WDSUB1: variants seen among roughly 807,000 people sequenced by gnomAD.
WDSUB1 encodes the protein WD repeat, sterile alpha motif and U-box domain containing 1.
Under a neutral mutation model 53.9 loss-of-function variants are expected in WDSUB1, and 49 were observed. The observed-to-expected ratio is 0.91, with a 90% CI of 0.72 to 1.15. The LOEUF (loss-of-function observed/expected upper bound fraction) is 1.15, where lower values mean the gene tolerates loss of function less well. Among genes scored for constraint, WDSUB1 ranks in the 50% most tolerant of loss-of-function variants. The pLI is 0.00. For synonymous variants in WDSUB1, 194 were observed against 200.6 expected, an observed-to-expected ratio of 0.97 and a Z score of 0.28; for missense variants, 514 against 562.0, an observed-to-expected ratio of 0.91 and a Z score of 0.86.
chr2:159,282,965 G>A lies in WDSUB1; in HGVS notation c.105C>T (p.Arg35=). 1.2e-6 allele frequency: 2 copies of A among 1,614,176 alleles called. No individual in the cohort carries two copies. The highest frequency in any genetic ancestry group is 2.2e-5 in the South Asian group (2 of 91,086). The part of the protein sequence containing the change: ...LATCSLDKTI[R]LYSLRDFTEL... Reference sequence around the variant, plus strand: ...CAGTAAAGTCACGTAACGAGTACAGGCGAATTGTTTTGTCCAAGGAGCAAG... The same window carrying A: ...CAGTAAAGTCACGTAACGAGTACAGACGAATTGTTTTGTCCAAGGAGCAAG... Residue 35 remains arginine (R), a synonymous_variant, in exon 2 of 11, where the codon CGC becomes CGT. Transcript: ENST00000359774.
chr2:159,269,046 G>A (rs2061398147), intron 5 of WDSUB1, among the ~76,000 whole-genome samples: 1 of 152,138 alleles, frequency 6.6e-6, no homozygotes, highest in Admixed American at 6.5e-5. Flanking sequence ...TTACAGTGAG[G>A]TGTAATGTGC....
chr2:159,280,690 CAA>C (rs58584838), intron 2 of WDSUB1, among the ~76,000 whole-genome samples: 14 of 59,616 alleles, frequency 2.3e-4, no homozygotes, highest in East Asian at 1.1e-3. Flanking sequence ...GACTCCGTCT[CAA>C]AAAAAAAAAA....
chr2:159,238,615 C>A (rs1412925451), intron 10 of WDSUB1, among the ~76,000 whole-genome samples: 8 of 152,218 alleles, frequency 5.3e-5, no homozygotes, highest in African/African-American at 1.9e-4. Flanking sequence ...TTATCAATCA[C>A]TAAATTTCCA....
intron 4 of WDSUB1, among the ~76,000 whole-genome samples, chr2:159,275,204 C>T (rs761822864): frequency 8.5e-5 from 13 of 152,102 alleles, no homozygotes; most frequent in Non-Finnish European, 1.6e-4. Context: ...TGGGAAAAGA[C>T]CCACACACTA....
chr2:159,273,525 AT>A (rs1387691128), intron 4 of WDSUB1, among the ~76,000 whole-genome samples: 1 of 151,836 alleles, frequency 6.6e-6, no homozygotes. Context: ...GGTTCAAGTG[AT>A]TCTCCTGACT....
In WDSUB1 at chr2:159,274,246, G is replaced by A. The variant is rs145090075; in HGVS notation, c.676+1300C>T. ...TGGCCAAGCGCAGTGGCCCACGCCT[G>A]TAATCCCAGCATTTTGAGAGGCCAA... On this transcript the variant is annotated intron_variant, in intron 4 of 10. Transcript: ENST00000359774. Among the ~76,000 whole-genome samples the A allele has an allele frequency of 8.1e-3, 1,232 of 152,320 alleles. 11 individuals carry two copies. The highest frequency in any genetic ancestry group is 0.023 in the African/African-American group (951 of 41,580).
At chr2:159,277,804 C>G (rs796704605) in intron 3 of WDSUB1, among the ~76,000 whole-genome samples, 1 of 152,118 alleles carries the variant, frequency 6.6e-6, no homozygotes, top group South Asian at 2.1e-4. Context: ...CAATTTGTTT[C>G]AGAGAATTTA....
intron 1 of WDSUB1, among the ~76,000 whole-genome samples, chr2:159,284,147 G>A (rs1225803223): frequency 6.6e-6 from 1 of 152,072 alleles, no homozygotes; most frequent in Non-Finnish European, 1.5e-5. Flanking sequence ...CCTGTTACCT[G>A]GGATAAGAAC....
In WDSUB1 at chr2:159,279,868, G is replaced by C; in HGVS notation, c.476C>G (p.Ser159Ter). ...PNGSFFVTGS[S>*]CGDLTVWDDK... is the part of the protein sequence containing the mutation. ...ATCCCACACTGTTAAATCACCACATGAGGAGCCAGTGACAAAGAAGCTTCC... is the reference window on the plus strand; with the variant it reads ...ATCCCACACTGTTAAATCACCACATCAGGAGCCAGTGACAAAGAAGCTTCC... The change falls in exon 3 of 11, where the codon TCA becomes TGA. Residue 159 changes from serine (S) to a stop codon, truncating the protein, a stop_gained. Coordinates refer to ENST00000359774, the MANE Select transcript of WDSUB1 (RefSeq NM_001128212.3). LOFTEE classifies it high-confidence loss of function. 1 of 1,612,624 alleles carries C rather than the reference G, an allele frequency of 6.2e-7. No homozygotes were observed. The highest frequency in any genetic ancestry group is 8.5e-7 in the Non-Finnish European group (1 of 1,178,956).
chr2:159,257,927 G>A lies in WDSUB1; in HGVS notation c.845+18C>T. 1.2e-6 allele frequency: 2 copies of A among 1,612,064 alleles called. No homozygotes were observed. The highest frequency in any genetic ancestry group is 2.2e-5 in the South Asian group (2 of 91,000). On this transcript the variant is annotated intron_variant, in intron 7 of 10. Transcript: ENST00000359774. ...AATTTTTAAATTATATTAATACAAG[G>A]TGAGGTTAAGTTCAGACCTGGTGTG...
At chr2:159,278,590 A>G (rs1388790985) in intron 3 of WDSUB1, among the ~76,000 whole-genome samples, 1 of 152,236 alleles carries the variant, frequency 6.6e-6, no homozygotes, top group Non-Finnish European at 1.5e-5. Flanking sequence ...AGATCAGGAG[A>G]GACTTATCTT....
chr2:159,255,194 A>G (rs746150424), intron 9 of WDSUB1, among the ~76,000 whole-genome samples: 5 of 152,086 alleles, frequency 3.3e-5, no homozygotes, highest in Non-Finnish European at 4.4e-5. Flanking sequence ...TTGGCCAGGC[A>G]CGGTGGCTCA....
chr2:159,276,458 T>C (rs1284313793), intron 3 of WDSUB1, among the ~76,000 whole-genome samples: 1 of 152,224 alleles, frequency 6.6e-6, no homozygotes, highest in African/African-American at 2.4e-5. Flanking sequence ...AGGCTGGAAT[T>C]ATAGAAATCA....
intron 2 of WDSUB1, among the ~76,000 whole-genome samples, chr2:159,282,220 A>C (rs4665054): frequency 4.0e-5 from 6 of 151,302 alleles, no homozygotes; most frequent in African/African-American, 1.5e-4. Context: ...TGAGACGGAG[A>C]CTCGGTCTGT....
chr2:159,279,162 G>T (rs16843863), intron 3 of WDSUB1, among the ~76,000 whole-genome samples: 10,312 of 152,146 alleles, frequency 0.068, 731 homozygotes, highest in African/African-American at 0.17. Flanking sequence ...ACTGCAGGGG[G>T]ACAAAAGCTA....
chr2:159,247,908 TAA>T (rs879338305), intron 10 of WDSUB1, among the ~76,000 whole-genome samples: 19,709 of 46,898 alleles, frequency 0.42, 3,297 homozygotes, highest in African/African-American at 0.48. Context: ...TATATATATA[TAA>T]ATATATATAT....
intron 10 of WDSUB1, among the ~76,000 whole-genome samples, chr2:159,247,886 A>AATATATATATATATATATAAATATATAT (rs2060836862): frequency 1.6e-5 from 1 of 63,822 alleles, no homozygotes; most frequent in Non-Finnish European, 3.1e-5. Context: ...AAATTAAATA[A>AATATATATATATATATATAAATATATAT]ATATATATAT....
intron 10 of WDSUB1, among the ~76,000 whole-genome samples, chr2:159,244,493 G>A (rs959633819): frequency 3.3e-5 from 5 of 152,192 alleles, no homozygotes; most frequent in African/African-American, 1.2e-4. Context: ...AGGATGTGTG[G>A]TGTGTAGAGA....
intron 4 of WDSUB1, among the ~76,000 whole-genome samples, chr2:159,273,327 C>T (rs1056465238): frequency 2.6e-5 from 4 of 152,132 alleles, no homozygotes; most frequent in African/African-American, 9.7e-5. Flanking sequence ...AGGTTATGTC[C>T]TCAAGTATAA....
Sources: gnomAD v4.1 joint callset for allele counts (sites outside exome capture counted in the v4.1 genomes callset) on GRCh38, gnomAD v4.1.1 for gene constraint, MANE v1.5 for transcripts, NCBI Gene and HGNC (gene_info 2026-07-23, HGNC 2026-07-21) for gene names.